Variants in RSRP1 observed in about 807,000 individuals in gnomAD.
The protein encoded by RSRP1 is arginine/serine-rich protein 1.
A neutral mutation model predicts 33.0 loss-of-function variants in RSRP1; 37 were observed. That is an observed-to-expected ratio of 1.12 (90% CI 0.86 to 1.48). RSRP1 has a LOEUF of 1.48. Ranked by LOEUF, RSRP1 falls within the 40% of genes most tolerant of loss-of-function variation. RSRP1 has a pLI of 0.00. For synonymous variants in RSRP1, 167 were observed against 158.7 expected, an observed-to-expected ratio of 1.05 and a Z score of -0.40; for missense variants, 402 against 385.3, an observed-to-expected ratio of 1.04 and a Z score of -0.36.
chr1:25,307,413 A>G lies in RSRP1; in HGVS notation c.-67+30565T>C, dbSNP rs1345823376. 4.5e-5 allele frequency among the ~76,000 whole-genome samples: 6 copies of G among 132,206 alleles called. 1 individual carries two copies. Among genetic ancestry groups the G allele is most frequent in the African/African-American group, 1.6e-4 (6 of 38,444 alleles). The allele number at this position is 132,206 out of a possible 152,430, so 86.7% of individuals were successfully genotyped here. A position where few individuals can be genotyped will look rare whatever the true frequency, so the allele number is the denominator to read the frequency against. On this transcript the variant is annotated intron_variant, in intron 1 of 1. Coordinates refer to the RSRP1 transcript ENST00000561867. ...AATATTTTCTGGACATGGCTTATAT[A>G]AAATGAAAAAGTGAATTGGGCACGA... is the stretch of plus-strand genomic sequence containing the variant.
At position 25,267,878 on chromosome 1, in the gene RSRP1, G is replaced by A. The variant is rs1381876065; in HGVS notation, c.-66-20849C>T. On this transcript the variant is annotated intron_variant, in intron 1 of 1. Coordinates refer to the RSRP1 transcript ENST00000561867. The stretch of plus-strand genomic sequence containing the variant: ...CGTCCAGCTGTGAACCCAGAGCGGC[G>A]GAAAGCCCCTGAACCCAGCGCCCGG... 1.5e-5 allele frequency: 2 copies of A among 131,532 alleles called. 1 individual carries two copies. The highest frequency in any genetic ancestry group is 3.6e-5 in the Non-Finnish European group (2 of 55,460). The allele number at this position is 131,532 out of a possible 1,614,324, so 8.1% of individuals were successfully genotyped here.
intron 1 of RSRP1, 76 bp from the exon 2 acceptor site, chr1:25,247,105 A>T (rs1639511406): frequency 1.1e-6 from 1 of 925,498 alleles, no homozygotes; most frequent in Non-Finnish European, 1.5e-6. Context: ...ACAGTCGGGG[A>T]ACCTCCGGGA....
At position 25,245,152 on chromosome 1, in the gene RSRP1, C is replaced by A; in HGVS notation, c.670G>T (p.Glu224Ter). Residue 224 changes from glutamate (E) to a stop codon, truncating the protein, a stop_gained and splice_region_variant, in exon 3 of 5, where the codon GAA becomes TAA. Coordinates refer to ENST00000243189, the MANE Select transcript of RSRP1 (RefSeq NM_020317.5). LOFTEE classifies it high-confidence loss of function. ...TCCGACAAACCTAGAATACTTACTT[C>A]AGGCTTTGCACCATTACTTGATACA... ...IGVSSNGAKP[E>*]LSEKVTEDGT... is the part of the protein sequence containing the mutation. The A allele has an allele frequency of 6.2e-7, 1 of 1,614,194 alleles. No homozygotes were observed.
chr1:25,243,577 C>T lies in RSRP1; in HGVS notation c.729G>A (p.Gln243=), dbSNP rs762840901. The T allele has an allele frequency of 6.2e-7, 1 of 1,613,692 alleles. No individual in the cohort carries two copies. The highest frequency in any genetic ancestry group is 8.5e-7 in the Non-Finnish European group (1 of 1,179,876). ...TAGAGCTAAAAGCTATGCTTCTTTG[C>T]TGGGTAGGTTTTTCATTGGGATTTC... ...GTRNPNEKPT[Q]QRSIAFSSNN... is the part of the protein sequence containing the mutation. Residue 243 remains glutamine, a synonymous_variant, in exon 4 of 5, where the codon CAG becomes CAA. Coordinates refer to ENST00000243189, the MANE Select transcript of RSRP1 (RefSeq NM_020317.5).
chr1:25,246,006 C>A (rs898511402), intron 2 of RSRP1: 2 of 161,304 alleles, frequency 1.2e-5, no homozygotes, highest in African/African-American at 4.8e-5. Context: ...TCCGCCTCCG[C>A]CTCCCCAAGT....
rs1400426450 is a variant in RSRP1 at position 25,311,140 on chromosome 1, AT to A, written c.-67+26837del. ...GATAGAAATATGGCTGGTAAAGGCC[AT>A]TCTGATGAGGTCTCAGATAGAACTG... is the stretch of plus-strand genomic sequence containing the variant. On this transcript the variant is annotated intron_variant, in intron 1 of 1. Transcript: ENST00000561867. Among the ~76,000 whole-genome samples, 110 of 132,424 alleles carry A rather than the reference AT, an allele frequency of 8.3e-4. 19 individuals are homozygous for A. Among genetic ancestry groups the A allele is most frequent in the African/African-American group, 2.7e-3 (104 of 38,928 alleles). 86.9% of individuals were successfully genotyped at this position (132,424 alleles called of 152,430 possible).
At chr1:25,257,631 C>T (rs1037879496) in intron 1 of RSRP1, among the ~76,000 whole-genome samples, 2 of 143,770 alleles carry the variant, frequency 1.4e-5, no homozygotes, top group African/African-American at 5.2e-5. Context: ...GTCAGAGTCT[C>T]GCCCTGTTGC....
chr1:25,275,066 G>T lies in RSRP1; in HGVS notation c.-66-28037C>A, dbSNP rs1640837327. On this transcript the variant is annotated intron_variant, in intron 1 of 1. Coordinates refer to the RSRP1 transcript ENST00000561867. ...ACACTTTGGGAGACCAAGGCAGGCA[G>T]ATCACCTGAGGTCAGGAGTTCGAGA... 1.6e-5 allele frequency among the ~76,000 whole-genome samples: 2 copies of T among 126,292 alleles called. 1 individual carries two copies. The highest frequency in any genetic ancestry group is 4.9e-4 in the South Asian group (2 of 4,108). 82.9% of individuals were successfully genotyped at this position (126,292 alleles called of 152,430 possible).
rs146247420 is a variant in RSRP1 at position 25,243,613 on chromosome 1, T to G, written c.693A>C (p.Glu231Asp). The G allele has an allele frequency of 6.2e-7, 1 of 1,613,850 alleles. No individual in the cohort carries two copies. Among genetic ancestry groups the G allele is most frequent in the Admixed American group, 1.7e-5 (1 of 60,012 alleles). The part of the protein sequence containing the change: ...AKPELSEKVT[E>D]DGTRNPNEKP... ...TTTCATTGGGATTTCGAGTTCCATC[T>G]TCTGTTACCTTTTCCGACAGCTAGA... is the stretch of plus-strand genomic sequence containing the variant. Residue 231 changes from glutamate (E) to aspartate (D), a missense_variant, in exon 4 of 5, where the codon GAA (glutamate) becomes GAC (aspartate). By Grantham distance (45) the Glu-to-Asp change is conservative. Coordinates refer to ENST00000243189, the MANE Select transcript of RSRP1 (RefSeq NM_020317.5).
chr1:25,256,739 A>G (rs527619592), intron 1 of RSRP1, among the ~76,000 whole-genome samples: 5 of 152,292 alleles, frequency 3.3e-5, no homozygotes, highest in African/African-American at 1.2e-4. Flanking sequence ...TGCTGAGATT[A>G]CAGGCGTGAG....
At chr1:25,249,113 C>A (rs547807565), upstream of RSRP1, among the ~76,000 whole-genome samples, 2 of 152,240 alleles carry the variant, frequency 1.3e-5, no homozygotes, top group East Asian at 3.9e-4. Flanking sequence ...TGCAACACTG[C>A]AACCCAACCT....
intron 4 of RSRP1, among the ~76,000 whole-genome samples, chr1:25,243,092 T>TCAAAA (rs1367964661): frequency 6.6e-6 from 1 of 151,198 alleles, no homozygotes; most frequent in Admixed American, 6.6e-5. Flanking sequence ...AGACTCTGTC[T>TCAAAA]CAAAACAAAA....
chr1:25,260,860 C>G (rs1220915428), intron 1 of RSRP1, among the ~76,000 whole-genome samples: 22 of 151,640 alleles, frequency 1.5e-4, no homozygotes, highest in African/African-American at 5.1e-4. Flanking sequence ...TGCAGTGGCC[C>G]GATCGATCTC....
intron 1 of RSRP1, among the ~76,000 whole-genome samples, chr1:25,263,513 A>G (rs1171836922): frequency 6.6e-6 from 1 of 151,892 alleles, no homozygotes; most frequent in Admixed American, 6.6e-5. Flanking sequence ...GAGCCATCAG[A>G]TCCTGTTAGA....
intron 1 of RSRP1, among the ~76,000 whole-genome samples, chr1:25,288,149 C>T (rs1642205673): frequency 7.5e-6 from 1 of 132,466 alleles, no homozygotes; most frequent in African/African-American, 2.6e-5. Flanking sequence ...TCCCAAGTAG[C>T]TGGGACTGTG....
At chr1:25,262,669 C>A (rs1396378884) in intron 1 of RSRP1, among the ~76,000 whole-genome samples, 1 of 152,128 alleles carries the variant, frequency 6.6e-6, no homozygotes, top group African/African-American at 2.4e-5. Flanking sequence ...TAATTCTTAG[C>A]CCAAAGGCCT....
In RSRP1 at chr1:25,291,773, A is replaced by G. The variant is rs35376830; in HGVS notation, c.-66-44744T>C. Among the ~76,000 whole-genome samples the G allele has an allele frequency of 7.6e-5, 10 of 132,410 alleles. 1 individual carries two copies. Among genetic ancestry groups the G allele is most frequent in the African/African-American group, 2.6e-4 (10 of 38,806 alleles). 86.9% of individuals were successfully genotyped at this position (132,410 alleles called of 152,430 possible). A position where few individuals can be genotyped will look rare whatever the true frequency, so the allele number is the denominator to read the frequency against. On this transcript the variant is annotated intron_variant, in intron 1 of 1. Transcript: ENST00000561867. The stretch of plus-strand genomic sequence containing the variant: ...TTGGGAGAGCCTGTCGAAAGTCTAA[A>G]TTTGAAGGCAGCTGTGAAGGTAAGG...
At position 25,268,948 on chromosome 1, in the gene RSRP1, C is replaced by CAA. The variant is rs59919895; in HGVS notation, c.-66-21921_-66-21920dup. 3.5e-3 allele frequency among the ~76,000 whole-genome samples: 255 copies of CAA among 72,616 alleles called. 11 individuals are homozygous for CAA. Among genetic ancestry groups the CAA allele is most frequent in the African/African-American group, 0.011 (225 of 20,440 alleles). The allele number at this position is 72,616 out of a possible 152,430, so 47.6% of individuals were successfully genotyped here. A position where few individuals can be genotyped will look rare whatever the true frequency, so the allele number is the denominator to read the frequency against. On this transcript the variant is annotated intron_variant, in intron 1 of 1. Coordinates refer to the RSRP1 transcript ENST00000561867. ...AGGCAACAAGAGCAAAACTTCATCT[C>CAA]AAAAAAAAAAAAAAAAATAGGGCAG... is the stretch of plus-strand genomic sequence containing the variant.
Position 25,246,872 on chromosome 1 carries a change from G to T in RSRP1, c.92C>A (p.Ser31Ter). 6.2e-7 allele frequency: 1 copy of T among 1,610,306 alleles called. No individual in the cohort carries two copies. The highest frequency in any genetic ancestry group is 8.5e-7 in the Non-Finnish European group (1 of 1,177,704). ...AAAAGAGCGGCTCCTAGACCGCGAC[G>T]ACAGCCGGCTGGACCCGCCCGACCG... ...TSRSGGSSRL[S>*]SRSRSRSFSR... Residue 31 changes from serine (S) to a stop codon, truncating the protein, a stop_gained, in exon 2 of 5, where the codon TCG (serine) becomes TAG (stop). Transcript: ENST00000243189. LOFTEE classifies it high-confidence loss of function.
Sources: gnomAD v4.1 joint callset for allele counts (sites outside exome capture counted in the v4.1 genomes callset) on GRCh38, gnomAD v4.1.1 for gene constraint, MANE v1.5 for transcripts, NCBI Gene and HGNC (gene_info 2026-07-23, HGNC 2026-07-21) for gene names.